Variants in RGPD1 observed in about 807,000 individuals in gnomAD.
The protein encoded by RGPD1 is RANBP2 like and GRIP domain containing 1.
Under a neutral mutation model 40.6 loss-of-function variants are expected in RGPD1, and 7 were observed. The observed-to-expected ratio is 0.17, with a 90% CI of 0.10 to 0.32. The LOEUF is 0.32. Among genes scored for constraint, RGPD1 ranks in the 10% least tolerant of loss-of-function variants. The pLI is 1.00. For missense variants in RGPD1, 50 were observed against 472.5 expected (o/e 0.11, Z 8.29); for synonymous variants, 24 against 167.0 (o/e 0.14, Z 6.60).
chr2:86,926,409 AAAG>A lies in RGPD1; in HGVS notation c.72+12490_72+12492del, dbSNP rs1405373024. Among the ~76,000 whole-genome samples the A allele has an allele frequency of 8.2e-3, 1,241 of 150,802 alleles. 1 individual carries two copies. The highest frequency in any genetic ancestry group is 0.013 in the Non-Finnish European group (863 of 67,628). ...GTTTTGTAGGGCGTGTACTGGGGAA[AAAG>A]ATAATTTTTCAACATGAACCTTTTA... On this transcript the variant is annotated intron_variant, in intron 1 of 22. Coordinates refer to the RGPD1 transcript ENST00000398193.
Position 86,942,258 on chromosome 2 carries a change from G to C in RGPD1, c.22G>C (p.Gly8Arg), listed in dbSNP as rs1298490223. Residue 8 changes from glycine to arginine, a missense_variant, in exon 1 of 23, where the codon GGG becomes CGG. Transcript: ENST00000641458. ...TGCGATGAGGCGCAGCAAGGCCTAC[G>C]GGGAGCGGTACGTCGCCTCGGTGCA... The part of the protein sequence containing the change: MRRSKAY[G>R]ERYVASVQGS... 6 of 1,607,226 alleles carry C rather than the reference G, an allele frequency of 3.7e-6. No individual in the cohort carries two copies. The highest frequency in any genetic ancestry group is 1.7e-5 in the Admixed American group (1 of 59,604).
chr2:86,943,005 T>C (rs1558800563), intron 1 of RGPD1, among the ~76,000 whole-genome samples: 1 of 151,610 alleles, frequency 6.6e-6, no homozygotes, highest in Non-Finnish European at 1.5e-5. Flanking sequence ...GGGTGCTGTA[T>C]CGGCGGGTTT....
chr2:86,942,466 C>CCGGCGG (rs1459456004), intron 1 of RGPD1, among the ~76,000 whole-genome samples, 158 bp downstream of exon 1: 21 of 53,648 alleles, frequency 3.9e-4, no homozygotes, highest in Non-Finnish European at 7.6e-4. Context: ...TGTTGAGGCG[C>CCGGCGG]CGGCCTCGAC....
chr2:86,915,302 A>C (rs1418979599), intron 1 of RGPD1, among the ~76,000 whole-genome samples: 1 of 150,968 alleles, frequency 6.6e-6, no homozygotes, highest in Admixed American at 6.6e-5. Context: ...GGTTAGGGTT[A>C]GGCAAGACAT....
Position 86,963,112 on chromosome 2 carries a change from A to G in RGPD1, c.863A>G (p.His288Arg). Residue 288 changes from histidine to arginine, a missense_variant, in exon 7 of 23, where the codon CAT becomes CGT. Coordinates refer to ENST00000641458, the MANE Select transcript of RGPD1 (RefSeq NM_001382344.1). ...GCTACTTTCTTAGAAATGAAAGGAC[A>G]TTTCTACATGCATGCTGGTTCTCTG... The part of the protein sequence containing the change: ...LSATFLEMKG[H>R]FYMHAGSLLL... 1.5e-5 allele frequency: 1 copy of G among 66,258 alleles called. No individual in the cohort carries two copies. Among genetic ancestry groups the G allele is most frequent in the Non-Finnish European group, 2.4e-5 (1 of 40,988 alleles). The allele number at this position is 66,258 out of a possible 1,614,324, so 4.1% of individuals were successfully genotyped here. A position where few individuals can be genotyped will look rare whatever the true frequency, so the allele number is the denominator to read the frequency against.
rs904498246 is a variant in RGPD1, at chr2:86,930,444, C to T, written c.72+16523C>T. 1.4e-5 allele frequency: 21 copies of T among 1,461,308 alleles called. No individual in the cohort carries two copies. The African/African-American group carries it at 2.9e-4, about 20-fold the overall frequency. 90.5% of individuals were successfully genotyped at this position (1,461,308 alleles called of 1,614,324 possible). The stretch of plus-strand genomic sequence containing the variant: ...TGAACCGGTAGGGAAAGGACCAGCC[C>T]CATGGCATGCCCCATGATAAGCCAA... On this transcript the variant is annotated intron_variant, in intron 1 of 22. Coordinates refer to the RGPD1 transcript ENST00000398193.
chr2:86,996,802 C>T (rs1681791914), intron 21 of RGPD1, among the ~76,000 whole-genome samples: 1 of 92,396 alleles, frequency 1.1e-5, no homozygotes, highest in Non-Finnish European at 2.2e-5. Flanking sequence ...GTGCCGTTCA[C>T]TGTGGACGTC....
chr2:86,913,985 G>C lies in RGPD1; in HGVS notation c.72+64G>C, dbSNP rs1677573790. 2.0e-5 allele frequency: 19 copies of C among 956,822 alleles called. 3 individuals carry two copies. The highest frequency in any genetic ancestry group is 4.2e-5 in the South Asian group (2 of 47,774). 59.3% of individuals were successfully genotyped at this position (956,822 alleles called of 1,614,324 possible). The stretch of plus-strand genomic sequence containing the variant: ...CGGGGCGGTGGCCTCGACCTGGCCG[G>C]GCGGCGGCGGCGGCCTCGGCCTCGG... On this transcript the variant is annotated intron_variant, in intron 1 of 22. Transcript: ENST00000398193.
At chr2:86,942,766 C>T (rs1055078914) in intron 1 of RGPD1, among the ~76,000 whole-genome samples, 5 of 151,366 alleles carry the variant, frequency 3.3e-5, no homozygotes, top group African/African-American at 7.3e-5. Flanking sequence ...TGCTCCCTGG[C>T]GCGCTCTGTT....
At chr2:86,914,088 C>A (rs1257401593) in intron 1 of RGPD1, among the ~76,000 whole-genome samples, 2 of 30,396 alleles carry the variant, frequency 6.6e-5, no homozygotes, top group South Asian at 3.3e-3. Context: ...GGCCGGGCGG[C>A]GGCGGCGGCG....
At chr2:86,930,744 G>T (rs1425976538) in intron 1 of RGPD1, 66 of 1,476,176 alleles carry the variant, frequency 4.5e-5, no homozygotes, top group Non-Finnish European at 5.9e-5. Context: ...CCCGCTGCTG[G>T]CCCGAGCCAT....
intron 20 of RGPD1, among the ~76,000 whole-genome samples, chr2:86,988,460 CAAAAAAACA>C (rs1417038550): frequency 1.4e-5 from 1 of 72,134 alleles, no homozygotes; most frequent in Non-Finnish European, 2.9e-5. Context: ...AAAAAAAAAA[CAAAAAAACA>C]AAAAAAACCA....
upstream of RGPD1, among the ~76,000 whole-genome samples, chr2:86,941,289 TACAG>T (rs1215724721): frequency 8.7e-5 from 13 of 149,160 alleles, no homozygotes; most frequent in African/African-American, 2.7e-4. Flanking sequence ...ATTTGGAAAA[TACAG>T]ACGGCTGAAA....
chr2:86,931,236 C>A (rs1342602024), intron 1 of RGPD1, among the ~76,000 whole-genome samples: 4 of 151,462 alleles, frequency 2.6e-5, no homozygotes, highest in Non-Finnish European at 5.9e-5. Flanking sequence ...GTGTTTTGTA[C>A]CTTTCCTTTT....
Position 86,960,297 on chromosome 2 carries a change from A to AC in RGPD1, c.779+1877dup, listed in dbSNP as rs1391329357. On this transcript the variant is annotated intron_variant, in intron 6 of 22. Transcript: ENST00000641458. ...AATCAGGACTCATGGGCCCTTTGTT[A>AC]CCCCCCCTTGTGAACCTCCCAGGTT... Among the ~76,000 whole-genome samples, 6 of 51,734 alleles carry AC rather than the reference A, an allele frequency of 1.2e-4. 1 individual carries two copies. Among genetic ancestry groups the AC allele is most frequent in the South Asian group, 6.7e-4 (1 of 1,498 alleles). The allele number at this position is 51,734 out of a possible 152,430, so 33.9% of individuals were successfully genotyped here. A position where few individuals can be genotyped will look rare whatever the true frequency, so the allele number is the denominator to read the frequency against.
intron 22 of RGPD1, among the ~76,000 whole-genome samples, chr2:87,009,121 C>T (rs1300335448): frequency 3.2e-5 from 4 of 125,774 alleles, no homozygotes; most frequent in Non-Finnish European, 3.3e-5. Flanking sequence ...CTGGCTAACA[C>T]GGTGAAACCC....
At chr2:86,944,410 ATT>A (rs1053304411) in intron 1 of RGPD1, among the ~76,000 whole-genome samples, 4 of 144,170 alleles carry the variant, frequency 2.8e-5, no homozygotes, top group Non-Finnish European at 3.1e-5. Flanking sequence ...TTTTTGTGTT[ATT>A]TTTTTTTTTT....
intron 22 of RGPD1, among the ~76,000 whole-genome samples, chr2:87,008,936 A>C (rs1682148609): frequency 7.3e-6 from 1 of 137,068 alleles, no homozygotes; most frequent in Non-Finnish European, 1.6e-5. Context: ...AAAAAACAGA[A>C]CAAGAGTCAA....
intron 1 of RGPD1, among the ~76,000 whole-genome samples, chr2:86,925,680 A>G (rs1352529228): frequency 6.6e-6 from 1 of 152,220 alleles, no homozygotes; most frequent in Non-Finnish European, 1.5e-5. Context: ...ACAAATTAAA[A>G]TATTACTGTT....
Sources: allele counts gnomAD v4.1 joint callset (sites outside exome capture counted in the v4.1 genomes callset), GRCh38; gene constraint gnomAD v4.1.1; transcripts MANE v1.5; gene names NCBI Gene and HGNC (gene_info 2026-07-23, HGNC 2026-07-21).